The following RELCH variants were observed in gnomAD, a reference collection of about 807,000 sequenced individuals.
RELCH encodes RAB11 binding and LisH domain, coiled-coil and HEAT repeat containing.
In RELCH, 41 loss-of-function variants were observed where a neutral mutation model predicts 150.3. The observed-to-expected ratio is 0.27, with a 90% confidence interval of 0.21 to 0.35. RELCH has a LOEUF of 0.35. Among genes scored for constraint, RELCH ranks in the 10% least tolerant of loss-of-function variants. RELCH has a pLI of 1.00. For missense variants in RELCH, 1,092 were observed against 1,467.8 expected (o/e 0.74, Z 4.18); for synonymous variants, 478 against 531.8 (o/e 0.90, Z 1.39).
intron 2 of RELCH, among the ~76,000 whole-genome samples, chr18:62,216,157 G>T (rs887956294): frequency 6.6e-6 from 1 of 151,846 alleles, no homozygotes; most frequent in African/African-American, 2.4e-5. Context: ...TAAATATCGA[G>T]ATAGCCATTA....
chr18:62,269,235 A>G (rs1193064277), intron 20 of RELCH, among the ~76,000 whole-genome samples: 2 of 152,144 alleles, frequency 1.3e-5, no homozygotes, highest in South Asian at 2.1e-4. Flanking sequence ...TAAGTTTTTC[A>G]TAGATAAATG....
intron 27 of RELCH, among the ~76,000 whole-genome samples, chr18:62,298,515 A>G (rs1174381763): frequency 4.6e-5 from 7 of 152,190 alleles, no homozygotes; most frequent in Non-Finnish European, 8.8e-5. Flanking sequence ...TTAACATTAG[A>G]AGATGGTGAG....
At chr18:62,273,869 T>A in intron 20 of RELCH, 111 bp from the exon 21 acceptor site, 1 of 666,836 alleles carries the variant, frequency 1.5e-6, no homozygotes, top group South Asian at 1.8e-5. Flanking sequence ...GCTTCCAAAT[T>A]TGGATATTTT....
chr18:62,284,889 T>C (rs947002807), intron 25 of RELCH, among the ~76,000 whole-genome samples: 1 of 152,138 alleles, frequency 6.6e-6, no homozygotes, highest in Non-Finnish European at 1.5e-5. Context: ...CACCGTAGAG[T>C]TGTTTTTTGT....
At chr18:62,233,753 TATC>T (rs1211718932) in intron 10 of RELCH, among the ~76,000 whole-genome samples, 1 of 151,962 alleles carries the variant, frequency 6.6e-6, no homozygotes, top group Non-Finnish European at 1.5e-5. Context: ...ATTTCCTTAA[TATC>T]ATCTTTAGAG....
chr18:62,223,689 G>A (rs996457495), intron 5 of RELCH, among the ~76,000 whole-genome samples: 3 of 151,944 alleles, frequency 2.0e-5, no homozygotes, highest in African/African-American at 7.2e-5. Flanking sequence ...TAACATTTTA[G>A]CAAATCAAAT....
chr18:62,213,291 ATG>A (rs2040280200), intron 2 of RELCH, among the ~76,000 whole-genome samples: 1 of 149,868 alleles, frequency 6.7e-6, no homozygotes, highest in South Asian at 2.1e-4. Context: ...CCATATAATT[ATG>A]TTTTTTCCTT....
chr18:62,207,198 T>C (rs552815145), intron 1 of RELCH, among the ~76,000 whole-genome samples: 2 of 152,290 alleles, frequency 1.3e-5, no homozygotes, highest in Non-Finnish European at 2.9e-5. Context: ...ACAGACTTTC[T>C]ATCACTATAT....
rs756917512 is a variant in RELCH, at chr18:62,258,599, G to A, written c.2125G>A (p.Ala709Thr). 6.2e-7 allele frequency: 1 copy of A among 1,602,654 alleles called. No homozygotes were observed. The highest frequency in any genetic ancestry group is 1.1e-5 in the South Asian group (1 of 88,738). The stretch of plus-strand genomic sequence containing the variant: ...TCAAGTATTTTTACCAGCTTACGCT[G>A]CGTGGACTACAGAACTTGGAAATTT... ...THQVFLPAYA[A>T]WTTELGNLQS... Residue 709 changes from alanine (A) to threonine (T), a missense_variant, in exon 15 of 29, where the codon GCG becomes ACG. Transcript: ENST00000644646.
chr18:62,192,864 C>T (rs543861997), intron 1 of RELCH, among the ~76,000 whole-genome samples: 6 of 152,208 alleles, frequency 3.9e-5, no homozygotes, highest in South Asian at 2.1e-4. Context: ...CTTGGCTATA[C>T]GGGCTCTTTT....
Position 62,291,548 on chromosome 18 carries a change from T to C in RELCH, c.3376T>C (p.Ser1126Pro). The C allele has an allele frequency of 6.2e-7, 1 of 1,605,244 alleles. No homozygotes were observed. Among genetic ancestry groups the C allele is most frequent in the Non-Finnish European group, 8.5e-7 (1 of 1,174,396 alleles). ...CTTAACTACCTTGTCCCAAGTCATT[T>C]CAGAGGATTTAATGGTTAATCACTT... The part of the protein sequence containing the change: ...AYSALSCCFI[S>P]EDLMVNHFLP... The change falls in exon 27 of 29, where the codon TCA becomes CCA. Residue 1126 changes from serine to proline, a missense_variant. Ser to Pro is a moderately conservative substitution (Grantham distance 74). Around this residue, in one of 4 missense-constraint regions of RELCH, gnomAD observed 707 missense variants for 1,025.4 expected, o/e 0.69. Transcript: ENST00000644646.
Position 62,257,487 on chromosome 18 carries a change from T to G in RELCH, c.1897-461T>G, listed in dbSNP as rs139842228. ...TTGCCAGAGAGATTTTTGTAGTTCCTCCTGTTAAAACTCTCAGTGCTCTTC... is the reference window on the plus strand; with the variant it reads ...TTGCCAGAGAGATTTTTGTAGTTCCGCCTGTTAAAACTCTCAGTGCTCTTC... On this transcript the variant is annotated intron_variant, in intron 13 of 28. Coordinates refer to ENST00000644646, the MANE Select transcript of RELCH (RefSeq NM_001346231.2). Among the ~76,000 whole-genome samples the G allele has an allele frequency of 1.9e-3, 293 of 152,160 alleles. 1 individual carries two copies. Among genetic ancestry groups the G allele is most frequent in the African/African-American group, 6.8e-3 (283 of 41,564 alleles).
intron 1 of RELCH, among the ~76,000 whole-genome samples, chr18:62,189,857 T>C (rs187818174): frequency 1.3e-5 from 2 of 152,242 alleles, no homozygotes; most frequent in African/African-American, 4.8e-5. Flanking sequence ...AGTCTTATGA[T>C]CAAATATCAC....
chr18:62,256,174 T>C (rs2042983281), intron 13 of RELCH, among the ~76,000 whole-genome samples: 1 of 152,046 alleles, frequency 6.6e-6, no homozygotes, highest in South Asian at 2.1e-4. Flanking sequence ...TGCTTTTTTT[T>C]TAATGGGACA....
At chr18:62,248,414 T>C (rs1216389921) in intron 11 of RELCH, among the ~76,000 whole-genome samples, 2 of 152,200 alleles carry the variant, frequency 1.3e-5, no homozygotes, top group African/African-American at 2.4e-5. Context: ...TTTGAAGTTA[T>C]GTATTAATTA....
chr18:62,190,600 T>TAAATA (rs113523032), intron 1 of RELCH, among the ~76,000 whole-genome samples: 3,517 of 152,066 alleles, frequency 0.023, 42 homozygotes, highest in Middle Eastern at 0.082. Context: ...TAAATAAAAG[T>TAAATA]AAATAAAATA....
At chr18:62,226,959 G>T (rs1487741211) in intron 5 of RELCH, among the ~76,000 whole-genome samples, 1 of 152,036 alleles carries the variant, frequency 6.6e-6, no homozygotes, top group African/African-American at 2.4e-5. Flanking sequence ...AGGCCAAGGT[G>T]GGAGGATTGC....
intron 1 of RELCH, among the ~76,000 whole-genome samples, chr18:62,196,773 G>A (rs965710095): frequency 1.3e-5 from 2 of 152,156 alleles, no homozygotes; most frequent in African/African-American, 4.8e-5. Flanking sequence ...AAACATTGTG[G>A]TCAGTTAAGG....
At chr18:62,266,665 C>G (rs2043580951) in intron 18 of RELCH, 36 bp from the exon 19 acceptor site, 3 of 1,468,708 alleles carry the variant, frequency 2.0e-6, no homozygotes, top group Non-Finnish European at 1.9e-6. Flanking sequence ...CCCATTGAAC[C>G]TGAGACTTTT....
Sources: allele counts gnomAD v4.1 joint callset (sites outside exome capture counted in the v4.1 genomes callset), GRCh38; gene constraint gnomAD v4.1.1; regional missense constraint gnomAD v4.1.1; transcripts MANE v1.5; gene names NCBI Gene and HGNC (gene_info 2026-07-23, HGNC 2026-07-21).